ACAD11: variants seen among roughly 807,000 people sequenced by gnomAD.
ACAD11 encodes acyl-CoA dehydrogenase family member 11.
A neutral mutation model predicts 102.2 loss-of-function variants in ACAD11; 83 were observed. The ratio of observed to expected loss-of-function variants is 0.81; its 90% confidence interval spans 0.68 to 0.97. The LOEUF is 0.97. ACAD11 is among the 50% of genes least tolerant of loss of function. The pLI is 0.00. For synonymous variants in ACAD11, 324 were observed against 319.8 expected (o/e 1.01, Z -0.14); for missense variants, 901 against 951.7 (o/e 0.95, Z 0.70).
At chr3:132,639,345 T>A in intron 5 of ACAD11, 147 bp downstream of exon 5, 1 of 647,190 alleles carries the variant, frequency 1.5e-6, no homozygotes, top group Non-Finnish European at 2.4e-6. Context: ...GACTCCTTTC[T>A]AAAAATTTTG....
chr3:132,612,784 T>C (rs1174090674), intron 11 of ACAD11, among the ~76,000 whole-genome samples: 2 of 152,016 alleles, frequency 1.3e-5, no homozygotes, highest in Non-Finnish European at 2.9e-5. Context: ...GGTGGGACTG[T>C]AAACTAGTTC....
intron 13 of ACAD11, among the ~76,000 whole-genome samples, chr3:132,596,566 T>C (rs1348670531): frequency 1.3e-5 from 2 of 152,100 alleles, no homozygotes; most frequent in Non-Finnish European, 2.9e-5. Flanking sequence ...AAATAGACCA[T>C]GAGGGCCAAA....
At chr3:132,635,249 T>G (rs1576610376) in intron 5 of ACAD11, among the ~76,000 whole-genome samples, 1 of 151,664 alleles carries the variant, frequency 6.6e-6, no homozygotes, top group Non-Finnish European at 1.5e-5. Context: ...TATATAGGAG[T>G]GATATGACAT....
chr3:132,654,812 C>T (rs1349021375), intron 1 of ACAD11: 1 of 152,168 alleles, frequency 6.6e-6, no homozygotes, highest in Admixed American at 6.5e-5. Context: ...AGAAGCCACA[C>T]AATAAATCGT....
chr3:132,603,375 T>C lies in ACAD11; in HGVS notation c.1523-48A>G, dbSNP rs765961275. The C allele has an allele frequency of 1.2e-5, 18 of 1,498,352 alleles. No individual in the cohort carries two copies. In the Admixed American group the frequency reaches 1.9e-4, roughly 16 times the overall value. 92.8% of individuals were successfully genotyped at this position (1,498,352 alleles called of 1,614,324 possible). Reference sequence around the variant, plus strand: ...TTTACAGGCAGGCAGATATCATCAGTAGACTTAGATAAGGATATGAAAACT... The same window carrying C: ...TTTACAGGCAGGCAGATATCATCAGCAGACTTAGATAAGGATATGAAAACT... On this transcript the variant is annotated intron_variant, in intron 12 of 19. Transcript: ENST00000264990.
Position 132,639,558 on chromosome 3 carries a change from A to G in ACAD11, c.636T>C (p.Asn212=). 1 of 1,614,052 alleles carries G rather than the reference A, an allele frequency of 6.2e-7. No individual in the cohort carries two copies. Among genetic ancestry groups the G allele is most frequent in the Non-Finnish European group, 8.5e-7 (1 of 1,179,986 alleles). ...CATGAATCAAATTCTCTTCATTGTC[A>G]TTATCGGGCAAGTTCTTCATTAGCC... The part of the protein sequence containing the change: ...SEWLMKNLPD[N]DNEENLIHGD... The change falls in exon 5 of 20, where the codon AAT becomes AAC. Residue 212 remains asparagine, a synonymous_variant. Coordinates refer to ENST00000264990, the MANE Select transcript of ACAD11 (RefSeq NM_032169.5).
chr3:132,580,153 T>A (rs1174012530), intron 13 of ACAD11, among the ~76,000 whole-genome samples: 1 of 152,102 alleles, frequency 6.6e-6, no homozygotes, highest in Non-Finnish European at 1.5e-5. Flanking sequence ...CACAACTGGA[T>A]CAGATTAAGT....
At chr3:132,615,670 C>T (rs1939377660) in intron 11 of ACAD11, among the ~76,000 whole-genome samples, 1 of 152,104 alleles carries the variant, frequency 6.6e-6, no homozygotes, top group African/African-American at 2.4e-5. Flanking sequence ...ATATCAGCGC[C>T]TGTCGCAAGG....
At position 132,578,937 on chromosome 3, in the gene ACAD11, GATA is replaced by G. The variant is rs564654794; in HGVS notation, c.1689-59_1689-57del. On this transcript the variant is annotated intron_variant, in intron 14 of 19. Transcript: ENST00000264990. ...GTTTGCTAAGAAGAAAAATAAAACA[GATA>G]ATAAGCAGAATCACAATTGTCTTTT... 398 of 1,605,638 alleles carry G rather than the reference GATA, an allele frequency of 2.5e-4. 3 individuals are homozygous for G. In the South Asian group the frequency reaches 4.0e-3, roughly 16 times the overall value.
intron 1 of ACAD11, among the ~76,000 whole-genome samples, chr3:132,657,418 C>T (rs1348481133): frequency 7.9e-5 from 12 of 152,108 alleles, no homozygotes; most frequent in Admixed American, 7.9e-4. Context: ...CTATCCTTAG[C>T]CCTTCGCTCT....
intron 9 of ACAD11, among the ~76,000 whole-genome samples, chr3:132,622,162 C>T (rs1247316902): frequency 6.6e-6 from 1 of 152,068 alleles, no homozygotes; most frequent in Non-Finnish European, 1.5e-5. Flanking sequence ...AACTCTTAAC[C>T]CATATTATCA....
chr3:132,626,932 G>C (rs1350682947), intron 8 of ACAD11, 115 bp from the exon 9 acceptor site: 1 of 963,078 alleles, frequency 1.0e-6, no homozygotes, highest in Non-Finnish European at 1.5e-6. Context: ...CCCCCAGAAG[G>C]AGTAGCTGTA....
intron 13 of ACAD11, among the ~76,000 whole-genome samples, chr3:132,598,186 G>C (rs891723653): frequency 1.3e-5 from 2 of 152,010 alleles, no homozygotes; most frequent in African/African-American, 2.4e-5. Flanking sequence ...AAAATAGAAA[G>C]GATAAGAAAA....
chr3:132,627,512 G>A (rs975451224), intron 8 of ACAD11, among the ~76,000 whole-genome samples: 4 of 152,098 alleles, frequency 2.6e-5, no homozygotes, highest in Non-Finnish European at 5.9e-5. Flanking sequence ...ATTAATATAT[G>A]CCTCACAAAT....
At chr3:132,651,140 G>T (rs1019329475) in intron 1 of ACAD11, among the ~76,000 whole-genome samples, 6 of 152,170 alleles carry the variant, frequency 3.9e-5, no homozygotes, top group African/African-American at 1.2e-4. Flanking sequence ...CCTGGATGGA[G>T]TCTGTATCCT....
chr3:132,629,928 A>G (rs556521856), intron 7 of ACAD11, among the ~76,000 whole-genome samples: 2 of 152,238 alleles, frequency 1.3e-5, no homozygotes, highest in East Asian at 3.9e-4. Context: ...ATCTTTCAAA[A>G]TTAATCACAC....
intron 4 of ACAD11, among the ~76,000 whole-genome samples, chr3:132,639,887 T>C (rs141858661): frequency 1.5e-3 from 226 of 151,870 alleles, no homozygotes; most frequent in African/African-American, 5.2e-3. Context: ...AAGAGAAAAA[T>C]ACTGGCCTAG....
At chr3:132,639,463 C>T (rs756953837) in intron 5 of ACAD11, 29 bp downstream of exon 5, 1 of 1,601,164 alleles carries the variant, frequency 6.2e-7, no homozygotes, top group Non-Finnish European at 8.5e-7. Flanking sequence ...CAGACCTACT[C>T]AATTAATTGT....
chr3:132,652,964 G>T (rs1156449986), intron 1 of ACAD11, among the ~76,000 whole-genome samples: 1 of 152,092 alleles, frequency 6.6e-6, no homozygotes, highest in Non-Finnish European at 1.5e-5. Context: ...AGAGCAAAGG[G>T]TGCTCCAATA....
Sources: gnomAD v4.1 joint callset for allele counts (sites outside exome capture counted in the v4.1 genomes callset) on GRCh38, gnomAD v4.1.1 for gene constraint, MANE v1.5 for transcripts, NCBI Gene and HGNC (gene_info 2026-07-23, HGNC 2026-07-21) for gene names.